HTR2B: variants seen among roughly 807,000 people sequenced by gnomAD.
The protein encoded by HTR2B is 5-HT 2B receptor.
Under a neutral mutation model 39.8 loss-of-function variants are expected in HTR2B, and 31 were observed. The observed-to-expected ratio is 0.78, with a 90% CI of 0.58 to 1.05. HTR2B has a LOEUF of 1.05. Ranked by LOEUF, HTR2B falls within the 50% of genes least tolerant of loss-of-function variation. The pLI is 0.00. For synonymous variants in HTR2B, 210 were observed against 207.1 expected, an observed-to-expected ratio of 1.01 and a Z score of -0.12; for missense variants, 562 against 578.0, an observed-to-expected ratio of 0.97 and a Z score of 0.28.
At chr2:231,117,073 CCTAGT>C (rs1175979557) in intron 2 of HTR2B, among the ~76,000 whole-genome samples, 1 of 151,912 alleles carries the variant, frequency 6.6e-6, no homozygotes, top group Non-Finnish European at 1.5e-5. Context: ...AGGGGCTTTT[CCTAGT>C]CTAGAGACTT....
rs755270043 is a variant in HTR2B, at chr2:231,113,818, A to T, written c.464T>A (p.Ile155Lys). 5 of 1,614,154 alleles carry T rather than the reference A, an allele frequency of 3.1e-6. No individual in the cohort carries two copies. The South Asian group carries it at 4.4e-5, about 14-fold the overall frequency. ...GGCCTGGATTGGCTTTTTGATGGCT[A>T]TGTAACGATCCACTGAAATGGCACA... Reference protein sequence around the residue: ...HLCAISVDRYIAIKKPIQANQ... With the variant: ...HLCAISVDRYKAIKKPIQANQ... The change falls in exon 3 of 4, where the codon ATA becomes AAA. Residue 155 changes from isoleucine (I) to lysine (K), a missense_variant. Ile to Lys is a moderately radical substitution (Grantham distance 102). Coordinates refer to ENST00000258400, the MANE Select transcript of HTR2B (RefSeq NM_000867.5).
intron 3 of HTR2B, among the ~76,000 whole-genome samples, chr2:231,110,292 G>A (rs569988724): frequency 5.9e-5 from 9 of 152,154 alleles, no homozygotes; most frequent in East Asian, 5.8e-4. Context: ...TGCCCTCCAC[G>A]CTCAGCGACA....
chr2:231,113,725 A>G lies in HTR2B; in HGVS notation c.553+4T>C, dbSNP rs79567472. 1.9e-6 allele frequency: 3 copies of G among 1,612,034 alleles called. No individual in the cohort carries two copies. The highest frequency in any genetic ancestry group is 4.5e-5 in the East Asian group (2 of 44,872). ...CCACCCACACTCTGGCATTCTCTAC[A>G]TACCTATTGAAATTAACCACACCAC... On this transcript the variant is annotated splice_donor_region_variant and intron_variant, in intron 3 of 3. Coordinates refer to ENST00000258400, the MANE Select transcript of HTR2B (RefSeq NM_000867.5).
Position 231,109,060 on chromosome 2 carries a change from A to G in HTR2B, c.903T>C (p.Leu301=), listed in dbSNP as rs1428912718. 2.5e-6 allele frequency: 4 copies of G among 1,614,206 alleles called. No homozygotes were observed. The highest frequency in any genetic ancestry group is 3.4e-6 in the Non-Finnish European group (4 of 1,180,024). ...KALPNSGDET[L]MRRTSTIGKK... Reference sequence around the variant, plus strand: ...TCCCAATTGTGGATGTTCTTCGCATAAGTGTTTCATCACCTGAGTTGGGCA... The same window carrying G: ...TCCCAATTGTGGATGTTCTTCGCATGAGTGTTTCATCACCTGAGTTGGGCA... The change falls in exon 4 of 4, where the codon CTT becomes CTC. Residue 301 remains leucine, a synonymous_variant. Coordinates refer to ENST00000258400, the MANE Select transcript of HTR2B (RefSeq NM_000867.5).
chr2:231,108,563 G>T lies in HTR2B; in HGVS notation c.1400C>A (p.Thr467Asn). 5.6e-6 allele frequency: 9 copies of T among 1,613,908 alleles called. No homozygotes were observed. The highest frequency in any genetic ancestry group is 7.6e-6 in the Non-Finnish European group (9 of 1,179,936). ...SIILLDTLLL[T>N]ENEGDKTEEQ... ...TTCAGTTTTGTCACCTTCATTTTCA[G>T]TGAGGAGAAGCGTATCTAGTAGAAT... Residue 467 changes from threonine to asparagine, a missense_variant, in exon 4 of 4, where the codon ACT becomes AAT. Thr to Asn is a moderately conservative substitution (Grantham distance 65). Transcript: ENST00000258400.
chr2:231,110,462 A>G (rs1010877757), intron 3 of HTR2B, among the ~76,000 whole-genome samples: 6 of 152,200 alleles, frequency 3.9e-5, no homozygotes, highest in Non-Finnish European at 7.3e-5. Flanking sequence ...GGTTAACCTG[A>G]ATCTTTTTCC....
chr2:231,113,798 G>A lies in HTR2B; in HGVS notation c.484C>T (p.Gln162Ter). ...DRYIAIKKPI[Q>*]ANQYNSRATA... Reference sequence around the variant, plus strand: ...GCCCGTGAGTTATATTGATTGGCCTGGATTGGCTTTTTGATGGCTATGTAA... The same window carrying A: ...GCCCGTGAGTTATATTGATTGGCCTAGATTGGCTTTTTGATGGCTATGTAA... Residue 162 changes from glutamine to a stop codon, truncating the protein, a stop_gained, in exon 3 of 4, where the codon CAG (glutamine) becomes TAG (stop). Transcript: ENST00000258400. LOFTEE classifies it high-confidence loss of function. The A allele has an allele frequency of 6.2e-7, 1 of 1,614,102 alleles. No homozygotes were observed. Among genetic ancestry groups the A allele is most frequent in the Non-Finnish European group, 8.5e-7 (1 of 1,179,998 alleles).
rs545975943 is a variant in HTR2B at position 231,109,935 on chromosome 2, G to C, written c.554-526C>G. Among the ~76,000 whole-genome samples, 5 of 152,192 alleles carry C rather than the reference G, an allele frequency of 3.3e-5. No homozygotes were observed. In the East Asian group the frequency reaches 5.8e-4, roughly 18 times the overall value. On this transcript the variant is annotated intron_variant, in intron 3 of 3. Transcript: ENST00000258400. Reference sequence around the variant, plus strand: ...AATCCTTTCCATCTAACTTCTTAGGGAAAACTAAAGTTCATTAAAAAGTGC... The same window carrying C: ...AATCCTTTCCATCTAACTTCTTAGGCAAAACTAAAGTTCATTAAAAAGTGC...
rs1274146820 is a variant in HTR2B, at chr2:231,109,204, G to C, written c.759C>G (p.Asn253Lys). The stretch of plus-strand genomic sequence containing the variant: ...ACCATGTTAGGCGTTGAGGTGGCTT[G>C]TTTTTGACTAAGTAAGCCTTCTTCT... ...ALQKKAYLVK[N>K]KPPQRLTWLT... The change falls in exon 4 of 4, where the codon AAC becomes AAG. Residue 253 changes from asparagine to lysine, a missense_variant. Physicochemically the swap from Asn to Lys is moderately conservative, Grantham distance 94 (BLOSUM62 0). Coordinates refer to ENST00000258400, the MANE Select transcript of HTR2B (RefSeq NM_000867.5). The C allele has an allele frequency of 6.2e-7, 1 of 1,614,188 alleles. No homozygotes were observed. Among genetic ancestry groups the C allele is most frequent in the East Asian group, 2.2e-5 (1 of 44,878 alleles).
At chr2:231,121,803 A>AT (rs1171108496) in intron 2 of HTR2B, among the ~76,000 whole-genome samples, 1 of 152,196 alleles carries the variant, frequency 6.6e-6, no homozygotes, top group Non-Finnish European at 1.5e-5. Context: ...CTTCTGCATA[A>AT]TTCTTTCAAT....
intron 3 of HTR2B, among the ~76,000 whole-genome samples, chr2:231,110,089 G>T (rs925941959): frequency 1.3e-5 from 2 of 152,174 alleles, no homozygotes; most frequent in East Asian, 3.9e-4. Context: ...GAGGCCAAGT[G>T]GGGGTGGATT....
intron 2 of HTR2B, among the ~76,000 whole-genome samples, chr2:231,121,503 T>G (rs991833494): frequency 3.2e-4 from 49 of 152,262 alleles, no homozygotes; most frequent in Non-Finnish European, 8.8e-5. Context: ...TTGGGTTTTC[T>G]GCTAACTTGT....
chr2:231,111,896 C>G (rs948175618), intron 3 of HTR2B, among the ~76,000 whole-genome samples: 1 of 152,130 alleles, frequency 6.6e-6, no homozygotes, highest in Non-Finnish European at 1.5e-5. Flanking sequence ...GTCCGCCTTT[C>G]TTGAATGCAA....
rs573308584 is a variant in HTR2B at position 231,113,781 on chromosome 2, G to A, written c.501C>T (p.Asn167=). The A allele has an allele frequency of 1.8e-5, 29 of 1,614,150 alleles. No homozygotes were observed. Among genetic ancestry groups the A allele is most frequent in the Middle Eastern group, 3.3e-4 (2 of 6,060 alleles). The part of the protein sequence containing the change: ...IKKPIQANQY[N]SRATAFIKIT... ...TCTTGATGAATGCTGTAGCCCGTGA[G>A]TTATATTGATTGGCCTGGATTGGCT... The change falls in exon 3 of 4, where the codon AAC becomes AAT. Residue 167 remains asparagine (N), a synonymous_variant. Coordinates refer to ENST00000258400, the MANE Select transcript of HTR2B (RefSeq NM_000867.5).
chr2:231,113,799 G>C lies in HTR2B; in HGVS notation c.483C>G (p.Ile161Met). Residue 161 changes from isoleucine (I) to methionine (M), a missense_variant, in exon 3 of 4, where the codon ATC becomes ATG. Ile to Met is a conservative substitution (Grantham distance 10, BLOSUM62 1). Coordinates refer to ENST00000258400, the MANE Select transcript of HTR2B (RefSeq NM_000867.5). Reference sequence around the variant, plus strand: ...CCCGTGAGTTATATTGATTGGCCTGGATTGGCTTTTTGATGGCTATGTAAC... The same window carrying C: ...CCCGTGAGTTATATTGATTGGCCTGCATTGGCTTTTTGATGGCTATGTAAC... ...VDRYIAIKKP[I>M]QANQYNSRAT... 3.7e-6 allele frequency: 6 copies of C among 1,614,120 alleles called. No homozygotes were observed. The highest frequency in any genetic ancestry group is 5.1e-6 in the Non-Finnish European group (6 of 1,180,004).
chr2:231,123,464 A>G lies in HTR2B; in HGVS notation c.301T>C (p.Leu101=), dbSNP rs751056028. The part of the protein sequence containing the change: ...YFLMSLAVAD[L]LVGLFVMPIA... ...GGCATCACAAACAATCCAACCAGCA[A>G]ATCAGCCACCGCCAAGGACATTAGA... The change falls in exon 2 of 4, where the codon TTG becomes CTG. Residue 101 remains leucine (L), a synonymous_variant. Coordinates refer to ENST00000258400, the MANE Select transcript of HTR2B (RefSeq NM_000867.5). The G allele has an allele frequency of 6.2e-7, 1 of 1,614,054 alleles. No individual in the cohort carries two copies. Among genetic ancestry groups the G allele is most frequent in the East Asian group, 2.2e-5 (1 of 44,868 alleles).
At chr2:231,112,821 CT>C (rs111558249) in intron 3 of HTR2B, among the ~76,000 whole-genome samples, 3,587 of 152,220 alleles carry the variant, frequency 0.024, 156 homozygotes, top group African/African-American at 0.082. Flanking sequence ...TACATAATTT[CT>C]GAACATCGGT....
rs1574734175 is a variant in HTR2B at position 231,108,577 on chromosome 2, A to G, written c.1386T>C (p.Asp462=). 1 of 1,613,990 alleles carries G rather than the reference A, an allele frequency of 6.2e-7. No individual in the cohort carries two copies. The highest frequency in any genetic ancestry group is 8.5e-7 in the Non-Finnish European group (1 of 1,179,946). ...CTTCATTTTCAGTGAGGAGAAGCGTATCTAGTAGAATGATTGATGAAGACT... is the reference window on the plus strand; with the variant it reads ...CTTCATTTTCAGTGAGGAGAAGCGTGTCTAGTAGAATGATTGATGAAGACT... The part of the protein sequence containing the change: ...TIQSSSIILL[D]TLLLTENEGD... Residue 462 remains aspartate (D), a synonymous_variant, in exon 4 of 4, where the codon GAT becomes GAC. Coordinates refer to ENST00000258400, the MANE Select transcript of HTR2B (RefSeq NM_000867.5).
At chr2:231,113,673 G>A (rs1158650172) in intron 3 of HTR2B, 56 bp downstream of exon 3, 1 of 1,492,426 alleles carries the variant, frequency 6.7e-7, no homozygotes, top group East Asian at 2.3e-5. Flanking sequence ...TATTCTCCTA[G>A]CCAAGTGGAA....
Sources: gnomAD v4.1 joint callset for allele counts (sites outside exome capture counted in the v4.1 genomes callset) on GRCh38, gnomAD v4.1.1 for gene constraint, MANE v1.5 for transcripts, NCBI Gene and HGNC (gene_info 2026-07-23, HGNC 2026-07-21) for gene names.